KIRREL3: variants seen among roughly 807,000 people sequenced by gnomAD.
KIRREL3 encodes the protein kin of IRRE-like protein 3.
In KIRREL3, 36 loss-of-function variants were observed where a neutral mutation model predicts 89.7. The observed-to-expected ratio is 0.40, with a 90% CI of 0.31 to 0.53. The LOEUF is 0.53. KIRREL3 is among the 20% of genes least tolerant of loss of function. KIRREL3 has a pLI of 0.49. For missense variants in KIRREL3, 864 were observed against 1,056.6 expected (o/e 0.82, Z 2.53); for synonymous variants, 445 against 441.4 (o/e 1.01, Z -0.10).
At chr11:126,644,954 C>G (rs2134946662) in intron 1 of KIRREL3, among the ~76,000 whole-genome samples, 1 of 152,256 alleles carries the variant, frequency 6.6e-6, no homozygotes, top group Admixed American at 6.5e-5. Context: ...CTACAAGGCA[C>G]CGTTGCAGCC....
chr11:126,763,449 T>C lies in KIRREL3; in HGVS notation c.56-200537A>G, dbSNP rs1051115139. ...GCAGGGAGAGGGCATGAGGATGCAG[T>C]GGGTGGGAGGTGTTAAAAAGGGGAC... On this transcript the variant is annotated intron_variant, in intron 1 of 16. Coordinates refer to ENST00000525144, the MANE Select transcript of KIRREL3 (RefSeq NM_032531.4). This position sits in a 1 kb window ranked among gnomAD's most constrained non-coding sequence, Gnocchi z 4.7. Among the ~76,000 whole-genome samples the C allele has an allele frequency of 6.6e-6, 1 of 151,990 alleles. No homozygotes were observed. The highest frequency in any genetic ancestry group is 2.4e-5 in the African/African-American group (1 of 41,380).
intron 10 of KIRREL3, chr11:126,440,887 AC>A (rs1442407785): frequency 1.7e-5 from 6 of 360,420 alleles, no homozygotes; most frequent in Non-Finnish European, 3.1e-5. Flanking sequence ...TATCTGGCGG[AC>A]GGGGAAAGCT....
At position 126,541,108 on chromosome 11, in the gene KIRREL3, G is replaced by C. The variant is rs577313604; in HGVS notation, c.134-14421C>G. Among the ~76,000 whole-genome samples, 2 of 152,286 alleles carry C rather than the reference G, an allele frequency of 1.3e-5. No individual in the cohort carries two copies. Among genetic ancestry groups the C allele is most frequent in the Non-Finnish European group, 2.9e-5 (2 of 68,014 alleles). ...ACCCCTCTCAGAGGGCGTCAGCGTG[G>C]GCACCACCAGGAGAGGCTGGAGGCT... On this transcript the variant is annotated intron_variant, in intron 2 of 16. Transcript: ENST00000525144. This position sits in a 1 kb window ranked among gnomAD's most constrained non-coding sequence, Gnocchi z 4.8.
intron 1 of KIRREL3, among the ~76,000 whole-genome samples, chr11:126,916,439 C>T (rs973760231): frequency 6.6e-6 from 1 of 152,056 alleles, no homozygotes; most frequent in African/African-American, 2.4e-5. Context: ...TCAGTACTGC[C>T]GGCCCTGGGA....
intron 1 of KIRREL3, among the ~76,000 whole-genome samples, chr11:126,972,654 A>C (rs1949458864): frequency 6.6e-6 from 1 of 152,106 alleles, no homozygotes; most frequent in Non-Finnish European, 1.5e-5. Context: ...TGACATGCCC[A>C]ATGTTGTTTT....
intron 7 of KIRREL3, among the ~76,000 whole-genome samples, chr11:126,450,581 A>G (rs549315767): frequency 8.8e-4 from 119 of 134,824 alleles, no homozygotes; most frequent in African/African-American, 3.2e-3. Flanking sequence ...GCATGTGTGC[A>G]TGTGCATGTG....
At position 126,516,011 on chromosome 11, in the gene KIRREL3, G is replaced by A. The variant is rs1272072133; in HGVS notation, c.433+5304C>T. Among the ~76,000 whole-genome samples, 3 of 152,176 alleles carry A rather than the reference G, an allele frequency of 2.0e-5. No individual in the cohort carries two copies. Among genetic ancestry groups the A allele is most frequent in the African/African-American group, 7.2e-5 (3 of 41,442 alleles). ...GAAGATTCATGGATGGGAGATTGGGGGAGGCTGCCAACGCGGTGGGCTGAG... is the reference window on the plus strand; with the variant it reads ...GAAGATTCATGGATGGGAGATTGGGAGAGGCTGCCAACGCGGTGGGCTGAG... On this transcript the variant is annotated intron_variant, in intron 4 of 16. Coordinates refer to ENST00000525144, the MANE Select transcript of KIRREL3 (RefSeq NM_032531.4). This position sits in a 1 kb window ranked among gnomAD's most constrained non-coding sequence, Gnocchi z 4.9.
chr11:126,926,702 C>T (rs191221377), intron 1 of KIRREL3, among the ~76,000 whole-genome samples: 71 of 152,326 alleles, frequency 4.7e-4, no homozygotes, highest in African/African-American at 1.7e-3. Context: ...CATTTCCCCC[C>T]TGCTCTGTGG....
Position 126,904,648 on chromosome 11 carries a change from T to C in KIRREL3, c.55+95807A>G, listed in dbSNP as rs1236811489. On this transcript the variant is annotated intron_variant, in intron 1 of 16. Coordinates refer to ENST00000525144, the MANE Select transcript of KIRREL3 (RefSeq NM_032531.4). This position sits in a 1 kb window ranked among gnomAD's most constrained non-coding sequence, Gnocchi z 4.4. ...TGTCTTACAAGGCTGTTCTTACTTATACCAAGAACAATCTGTCTCCTGCTA... is the reference window on the plus strand; with the variant it reads ...TGTCTTACAAGGCTGTTCTTACTTACACCAAGAACAATCTGTCTCCTGCTA... 1.3e-5 allele frequency among the ~76,000 whole-genome samples: 2 copies of C among 152,254 alleles called. No individual in the cohort carries two copies. The highest frequency in any genetic ancestry group is 2.9e-5 in the Non-Finnish European group (2 of 68,030).
rs958234677 is a variant in KIRREL3 at position 126,647,870 on chromosome 11, C to G, written c.56-84958G>C. Reference sequence around the variant, plus strand: ...ATGAAAGCCAACACCCTCTCCATGACTCATGGTGCTCTCCGGGGTCTGGCC... The same window carrying G: ...ATGAAAGCCAACACCCTCTCCATGAGTCATGGTGCTCTCCGGGGTCTGGCC... On this transcript the variant is annotated intron_variant, in intron 1 of 16. Coordinates refer to ENST00000525144, the MANE Select transcript of KIRREL3 (RefSeq NM_032531.4). The surrounding 1 kb of genome is among the most constrained non-coding windows in gnomAD (Gnocchi z 4.9). Among the ~76,000 whole-genome samples, 1 of 152,242 alleles carries G rather than the reference C, an allele frequency of 6.6e-6. No homozygotes were observed. The highest frequency in any genetic ancestry group is 6.5e-5 in the Admixed American group (1 of 15,292).
At chr11:126,598,983 A>T (rs1225374810) in intron 1 of KIRREL3, among the ~76,000 whole-genome samples, 2 of 152,202 alleles carry the variant, frequency 1.3e-5, no homozygotes, top group African/African-American at 2.4e-5. Flanking sequence ...TTGTTCCCAA[A>T]CTAAGAAATG....
chr11:126,932,583 G>C (rs907647753), intron 1 of KIRREL3, among the ~76,000 whole-genome samples: 3 of 152,176 alleles, frequency 2.0e-5, no homozygotes, highest in African/African-American at 7.2e-5. Context: ...ATAAGCAGCA[G>C]GTCCCTGTCT....
rs73635308 is a variant in KIRREL3, at chr11:126,561,106, A to G, written c.133+1729T>C. ...GAGAGAAATGTATAATGTGGTACTT[A>G]GGGCAGCAAGGCTGGCTGGAGTGGA... On this transcript the variant is annotated intron_variant, in intron 2 of 16. Coordinates refer to ENST00000525144, the MANE Select transcript of KIRREL3 (RefSeq NM_032531.4). This position sits in a 1 kb window ranked among gnomAD's most constrained non-coding sequence, Gnocchi z 4.5. 0.022 allele frequency among the ~76,000 whole-genome samples: 3,317 copies of G among 152,288 alleles called. 103 individuals are homozygous for G. Among genetic ancestry groups the G allele is most frequent in the African/African-American group, 0.071 (2,946 of 41,548 alleles).
At position 126,477,151 on chromosome 11, in the gene KIRREL3, A is replaced by G. The variant is rs1277346161; in HGVS notation, c.434-3685T>C. 6.6e-6 allele frequency among the ~76,000 whole-genome samples: 1 copy of G among 152,242 alleles called. No homozygotes were observed. Among genetic ancestry groups the G allele is most frequent in the Non-Finnish European group, 1.5e-5 (1 of 68,036 alleles). ...GCGCGGCCTTAGCCGGGGGTGGCTG[A>G]GCGACACTCCTGCACCCAGCTGGCT... On this transcript the variant is annotated intron_variant, in intron 4 of 16. Coordinates refer to ENST00000525144, the MANE Select transcript of KIRREL3 (RefSeq NM_032531.4). This position sits in a 1 kb window ranked among gnomAD's most constrained non-coding sequence, Gnocchi z 4.8.
rs574945348 is a variant in KIRREL3, at chr11:126,528,284, G to A, written c.134-1597C>T. Among the ~76,000 whole-genome samples the A allele has an allele frequency of 1.1e-4, 16 of 152,352 alleles. No homozygotes were observed. The highest frequency in any genetic ancestry group is 7.2e-4 in the Admixed American group (11 of 15,312). ...ACAGACGTCCTGGACACTGGCTGCT[G>A]CCCATCTTGGGGACAAAAAGCCCCA... On this transcript the variant is annotated intron_variant, in intron 2 of 16. Coordinates refer to ENST00000525144, the MANE Select transcript of KIRREL3 (RefSeq NM_032531.4). The surrounding 1 kb of genome is among the most constrained non-coding windows in gnomAD (Gnocchi z 4.6).
Position 126,807,883 on chromosome 11 carries a change from C to G in KIRREL3, c.55+192572G>C, listed in dbSNP as rs748995547. Among the ~76,000 whole-genome samples, 2 of 152,090 alleles carry G rather than the reference C, an allele frequency of 1.3e-5. No homozygotes were observed. The highest frequency in any genetic ancestry group is 2.4e-5 in the African/African-American group (1 of 41,368). Reference sequence around the variant, plus strand: ...AATAATAGTCCTCATAGGAAGGTGACGAAAGGAAGCTCAAGTTGTGTGACT... The same window carrying G: ...AATAATAGTCCTCATAGGAAGGTGAGGAAAGGAAGCTCAAGTTGTGTGACT... On this transcript the variant is annotated intron_variant, in intron 1 of 16. Transcript: ENST00000525144. The surrounding 1 kb of genome is among the most constrained non-coding windows in gnomAD (Gnocchi z 4.3).
intron 1 of KIRREL3, among the ~76,000 whole-genome samples, chr11:126,760,569 T>C (rs984561441): frequency 1.3e-5 from 2 of 152,190 alleles, no homozygotes; most frequent in African/African-American, 4.8e-5. Context: ...AGGAATTAAA[T>C]ACACACCTAA....
At chr11:126,586,626 T>C (rs1437017965) in intron 1 of KIRREL3, among the ~76,000 whole-genome samples, 1 of 151,968 alleles carries the variant, frequency 6.6e-6, no homozygotes, top group Non-Finnish European at 1.5e-5. Context: ...GAAGTCAGAG[T>C]TGAACTCGGG....
chr11:126,973,865 A>G (rs1949498123), intron 1 of KIRREL3, among the ~76,000 whole-genome samples: 2 of 152,154 alleles, frequency 1.3e-5, no homozygotes, highest in South Asian at 4.1e-4. Context: ...GCCAGGTACT[A>G]TTGAAATCCT....
Sources: gnomAD v4.1 joint callset for allele counts (sites outside exome capture counted in the v4.1 genomes callset) on GRCh38, gnomAD v4.1.1 for gene constraint, Gnocchi (gnomAD v3.1) non-coding constraint, MANE v1.5 for transcripts, NCBI Gene and HGNC (gene_info 2026-07-23, HGNC 2026-07-21) for gene names.